RHBDD1: variants seen among roughly 807,000 people sequenced by gnomAD.
RHBDD1 encodes the protein rhomboid domain containing 1, also known as rhomboid-related protein 4.
In RHBDD1, 38 loss-of-function variants were observed where a neutral mutation model predicts 36.3. The observed-to-expected ratio is 1.05, with a 90% CI of 0.81 to 1.37. The LOEUF (loss-of-function observed/expected upper bound fraction) is 1.37, where lower values mean the gene tolerates loss of function less well. Among genes scored for constraint, RHBDD1 ranks in the 40% most tolerant of loss-of-function variants. The pLI, the probability that RHBDD1 is intolerant of heterozygous loss-of-function variation, is 0.00. For missense variants in RHBDD1, 393 were observed against 377.6 expected (o/e 1.04, Z -0.34); for synonymous variants, 151 against 136.5 (o/e 1.11, Z -0.74).
At chr2:226,913,724 T>C (rs935824447) in intron 7 of RHBDD1, among the ~76,000 whole-genome samples, 1 of 152,202 alleles carries the variant, frequency 6.6e-6, no homozygotes, top group Non-Finnish European at 1.5e-5. Flanking sequence ...AGAAATTGGC[T>C]GCATCTTAAT....
chr2:226,963,287 A>G (rs746121210), intron 8 of RHBDD1, among the ~76,000 whole-genome samples: 10 of 152,244 alleles, frequency 6.6e-5, no homozygotes, highest in Non-Finnish European at 1.3e-4. Flanking sequence ...GCATCATGAT[A>G]CAGAACTCAG....
At chr2:226,816,132 T>G in the RHBDD1 span, among the ~76,000 whole-genome samples, 1 of 152,150 alleles carries the variant, frequency 6.6e-6, no homozygotes, top group Non-Finnish European at 1.5e-5. Context: ...GCACCAGATT[T>G]GATGTCAGGA....
At position 226,856,297 on chromosome 2, in the gene RHBDD1, A is replaced by G. The variant is rs115821128; in HGVS notation, c.-90-8307A>G. ...ATTTGAAAAGAGAAAACAGATTGCG[A>G]GTATTCAGTTAATAAATTCGTGTTT... On this transcript the variant is annotated intron_variant, in intron 3 of 8. Coordinates refer to ENST00000392062, the MANE Select transcript of RHBDD1 (RefSeq NM_001167608.3). Among the ~76,000 whole-genome samples, 386 of 152,344 alleles carry G rather than the reference A, an allele frequency of 2.5e-3. 4 individuals are homozygous for G. The highest frequency in any genetic ancestry group is 8.7e-3 in the African/African-American group (362 of 41,580).
intron 5 of RHBDD1, among the ~76,000 whole-genome samples, chr2:226,877,174 A>G (rs1295096463): frequency 6.6e-6 from 1 of 152,228 alleles, no homozygotes; most frequent in East Asian, 1.9e-4. Context: ...CTGAAACCAT[A>G]TCAGTGAACC....
At chr2:226,937,475 T>C (rs1950404527) in intron 8 of RHBDD1, among the ~76,000 whole-genome samples, 1 of 152,142 alleles carries the variant, frequency 6.6e-6, no homozygotes, top group African/African-American at 2.4e-5. Context: ...GTGCAGGAAA[T>C]GCAGGTTTGT....
At chr2:226,884,362 A>G (rs1394711491) in intron 5 of RHBDD1, among the ~76,000 whole-genome samples, 1 of 152,144 alleles carries the variant, frequency 6.6e-6, no homozygotes, top group Non-Finnish European at 1.5e-5. Context: ...ATTCTGTGAT[A>G]ACCAGCTGAG....
chr2:226,876,652 G>A (rs1945265254), intron 5 of RHBDD1, among the ~76,000 whole-genome samples: 1 of 152,066 alleles, frequency 6.6e-6, no homozygotes, highest in East Asian at 1.9e-4. Context: ...TGAACTAGTG[G>A]TTCTCAAACT....
chr2:226,974,512 C>G (rs1051917530), intron 8 of RHBDD1, among the ~76,000 whole-genome samples: 33 of 152,234 alleles, frequency 2.2e-4, no homozygotes, highest in Non-Finnish European at 3.8e-4. Context: ...GCTGGGATTA[C>G]AGGCGTGAGC....
At chr2:226,828,866 AATG>A in the RHBDD1 span, among the ~76,000 whole-genome samples, 1 of 152,090 alleles carries the variant, frequency 6.6e-6, no homozygotes, top group Non-Finnish European at 1.5e-5. Context: ...TCATTTTCTT[AATG>A]ATGTCTTTTA....
chr2:226,917,795 A>G (rs1251836960), intron 8 of RHBDD1, among the ~76,000 whole-genome samples: 1 of 152,054 alleles, frequency 6.6e-6, no homozygotes, highest in African/African-American at 2.4e-5. Flanking sequence ...TGTCTCTCAA[A>G]TGGCCACTTG....
At chr2:226,829,837 C>T in the RHBDD1 span, among the ~76,000 whole-genome samples, 1 of 152,060 alleles carries the variant, frequency 6.6e-6, no homozygotes, top group Non-Finnish European at 1.5e-5. Flanking sequence ...CAATTTGATG[C>T]CTTTTATTTC....
At chr2:226,836,456 A>C (rs913667779) in intron 1 of RHBDD1, among the ~76,000 whole-genome samples, 2 of 152,240 alleles carry the variant, frequency 1.3e-5, no homozygotes, top group African/African-American at 4.8e-5. Flanking sequence ...CATCAGCAAC[A>C]GAGCATGCAG....
At chr2:226,985,611 G>A (rs1046742426) in intron 8 of RHBDD1, among the ~76,000 whole-genome samples, 25 of 152,364 alleles carry the variant, frequency 1.6e-4, no homozygotes, top group African/African-American at 5.3e-4. Flanking sequence ...GGTTCTCAAA[G>A]GCTGATGTAC....
intron 8 of RHBDD1, among the ~76,000 whole-genome samples, chr2:226,979,280 A>G (rs2149407876): frequency 6.6e-6 from 1 of 152,306 alleles, no homozygotes; most frequent in South Asian, 2.1e-4. Context: ...TTCTTGTCAC[A>G]CAACCAGGAA....
At chr2:226,877,881 G>C (rs1183047364) in intron 5 of RHBDD1, among the ~76,000 whole-genome samples, 1 of 152,006 alleles carries the variant, frequency 6.6e-6, no homozygotes, top group East Asian at 1.9e-4. Flanking sequence ...GTATTGTTTG[G>C]GGCCACTGCC....
intron 8 of RHBDD1, among the ~76,000 whole-genome samples, chr2:226,965,451 C>T (rs921934551): frequency 6.6e-6 from 1 of 152,174 alleles, no homozygotes; most frequent in African/African-American, 2.4e-5. Context: ...AGGGTAAAAG[C>T]AGAAGGCCAG....
intron 3 of RHBDD1, among the ~76,000 whole-genome samples, chr2:226,840,851 G>A (rs544373903): frequency 4.0e-5 from 6 of 151,638 alleles, no homozygotes; most frequent in South Asian, 2.1e-4. Flanking sequence ...GGACTTGTGT[G>A]TATGTGTGTT....
chr2:226,935,465 A>G (rs577486230), intron 8 of RHBDD1: 1 of 152,036 alleles, frequency 6.6e-6, no homozygotes, highest in Non-Finnish European at 1.5e-5. Flanking sequence ...CTGTGTGGCA[A>G]TTTTTGTAAA....
chr2:226,876,647 T>G (rs1482235568), intron 5 of RHBDD1, among the ~76,000 whole-genome samples: 4 of 152,214 alleles, frequency 2.6e-5, no homozygotes, highest in Non-Finnish European at 4.4e-5. Flanking sequence ...TACTCTGAAC[T>G]AGTGGTTCTC....
Sources: gnomAD v4.1 joint callset for allele counts (sites outside exome capture counted in the v4.1 genomes callset) on GRCh38, gnomAD v4.1.1 for gene constraint, MANE v1.5 for transcripts, NCBI Gene and HGNC (gene_info 2026-07-23, HGNC 2026-07-21) for gene names.